CPA6: variants seen among roughly 807,000 people sequenced by gnomAD.
The protein encoded by CPA6 is carboxypeptidase B.
Under a neutral mutation model 63.3 loss-of-function variants are expected in CPA6, and 58 were observed. That is an observed-to-expected ratio of 0.92 (90% CI 0.74 to 1.14). CPA6 has a LOEUF of 1.14. CPA6 is among the 50% of genes most tolerant of loss of function. CPA6 has a pLI of 0.00. For synonymous variants in CPA6, 185 were observed against 179.0 expected (o/e 1.03, Z -0.27); for missense variants, 565 against 526.6 (o/e 1.07, Z -0.71).
intron 8 of CPA6, among the ~76,000 whole-genome samples, chr8:67,478,095 A>G (rs557894463): frequency 1.3e-5 from 2 of 152,246 alleles, no homozygotes; most frequent in East Asian, 3.9e-4. Context: ...CACCTCCCCA[A>G]CCTCTTGGGA....
intron 2 of CPA6, among the ~76,000 whole-genome samples, chr8:67,594,668 G>A (rs1229679262): frequency 2.0e-5 from 3 of 151,912 alleles, no homozygotes; most frequent in South Asian, 4.2e-4. Flanking sequence ...CCAGTTGATC[G>A]CATTGGCTCC....
Position 67,594,194 on chromosome 8 carries a change from G to T in CPA6, c.192+29982C>A, listed in dbSNP as rs574136915. ...CTGGGTTGAAAATTCTTTTCTTTAA[G>T]AATGTTGAAGATTGGCCCCCACTCT... On this transcript the variant is annotated intron_variant, in intron 2 of 10. Coordinates refer to ENST00000297770, the MANE Select transcript of CPA6 (RefSeq NM_020361.5). 4.1e-3 allele frequency among the ~76,000 whole-genome samples: 617 copies of T among 152,278 alleles called. 2 individuals carry two copies. Among genetic ancestry groups the T allele is most frequent in the Non-Finnish European group, 6.1e-3 (417 of 68,036 alleles).
chr8:67,628,145 G>A (rs913381125), intron 1 of CPA6, among the ~76,000 whole-genome samples: 4 of 152,014 alleles, frequency 2.6e-5, no homozygotes, highest in Admixed American at 6.5e-5. Context: ...CCTGGGAGGC[G>A]GAGATTGCAG....
chr8:67,636,402 C>T (rs137883881), intron 1 of CPA6, among the ~76,000 whole-genome samples: 25 of 151,514 alleles, frequency 1.7e-4, no homozygotes, highest in Admixed American at 5.2e-4. Flanking sequence ...TTTTTTCTTG[C>T]TTGTAACCAA....
intron 8 of CPA6, among the ~76,000 whole-genome samples, chr8:67,462,671 T>G (rs1196810585): frequency 1.3e-5 from 2 of 152,208 alleles, no homozygotes; most frequent in Non-Finnish European, 2.9e-5. Flanking sequence ...CTCTTTCTCT[T>G]TTAACACGTA....
intron 2 of CPA6, among the ~76,000 whole-genome samples, chr8:67,605,139 T>A (rs966874107): frequency 6.6e-6 from 1 of 151,742 alleles, no homozygotes; most frequent in African/African-American, 2.4e-5. Flanking sequence ...CTCTCTGAGC[T>A]CCTTGTCTGA....
At chr8:67,530,908 G>A (rs891366557) in intron 2 of CPA6, among the ~76,000 whole-genome samples, 1 of 152,164 alleles carries the variant, frequency 6.6e-6, no homozygotes, top group Non-Finnish European at 1.5e-5. Flanking sequence ...TCAAGCCAGG[G>A]TGCTCATAGT....
At chr8:67,724,994 A>C (rs1460558530) in intron 1 of CPA6, among the ~76,000 whole-genome samples, 2 of 152,216 alleles carry the variant, frequency 1.3e-5, no homozygotes, top group East Asian at 3.8e-4. Context: ...TATAACTTTA[A>C]CCACAGTTGT....
intron 1 of CPA6, among the ~76,000 whole-genome samples, chr8:67,730,166 A>G (rs993860407): frequency 2.1e-4 from 32 of 152,344 alleles, no homozygotes; most frequent in African/African-American, 6.0e-4. Context: ...TCACATGCCA[A>G]TCTCAAGTTC....
chr8:67,441,602 G>C (rs541610859), intron 8 of CPA6, among the ~76,000 whole-genome samples: 34 of 152,042 alleles, frequency 2.2e-4, no homozygotes, highest in Non-Finnish European at 4.3e-4. Flanking sequence ...TATAATCATA[G>C]AAACAATATG....
At chr8:67,488,003 G>T (rs1811520978) in intron 6 of CPA6, among the ~76,000 whole-genome samples, 1 of 152,132 alleles carries the variant, frequency 6.6e-6, no homozygotes, top group Non-Finnish European at 1.5e-5. Flanking sequence ...TTTGTAGGTT[G>T]CCTGTTCACT....
chr8:67,474,230 TA>T (rs1180984186), intron 8 of CPA6, among the ~76,000 whole-genome samples: 6 of 152,194 alleles, frequency 3.9e-5, no homozygotes, highest in African/African-American at 1.4e-4. Flanking sequence ...TTTTATTTTT[TA>T]TTTTTTTTGA....
At chr8:67,703,784 G>T (rs1190614941) in intron 1 of CPA6, among the ~76,000 whole-genome samples, 1 of 152,162 alleles carries the variant, frequency 6.6e-6, no homozygotes, top group Non-Finnish European at 1.5e-5. Context: ...CCCCAGCTCT[G>T]CCAGCTCCTT....
At chr8:67,599,181 G>T (rs1019940765) in intron 2 of CPA6, among the ~76,000 whole-genome samples, 1 of 152,130 alleles carries the variant, frequency 6.6e-6, no homozygotes, top group Admixed American at 6.5e-5. Flanking sequence ...GATAAATGCC[G>T]CAATCATCAA....
Position 67,591,996 on chromosome 8 carries a change from C to A in CPA6, c.192+32180G>T, listed in dbSNP as rs562099141. 7.4e-4 allele frequency among the ~76,000 whole-genome samples: 113 copies of A among 152,242 alleles called. 1 individual carries two copies. Among genetic ancestry groups the A allele is most frequent in the South Asian group, 2.9e-3 (14 of 4,818 alleles). On this transcript the variant is annotated intron_variant, in intron 2 of 10. Coordinates refer to ENST00000297770, the MANE Select transcript of CPA6 (RefSeq NM_020361.5). ...CAAGGGGAATGCTTCCAGTTTTTGC[C>A]CATTCAGTATGATATTGGCTGTGGG...
intron 1 of CPA6, among the ~76,000 whole-genome samples, chr8:67,726,376 A>G (rs938419239): frequency 1.3e-5 from 2 of 152,192 alleles, no homozygotes; most frequent in African/African-American, 4.8e-5. Flanking sequence ...GGCAAGAAAA[A>G]ATAGCCCCTA....
At position 67,734,591 on chromosome 8, in the gene CPA6, C is replaced by T. The variant is rs146364350; in HGVS notation, c.116+11423G>A. On this transcript the variant is annotated intron_variant, in intron 1 of 10. Coordinates refer to ENST00000297770, the MANE Select transcript of CPA6 (RefSeq NM_020361.5). ...GTATCCTTTTTTCTGCCCTGTAAGT[C>T]GAGGGCTTAGAATATTTTTTTTCTG... Among the ~76,000 whole-genome samples the T allele has an allele frequency of 7.2e-3, 1,103 of 152,174 alleles. 10 individuals carry two copies. Among genetic ancestry groups the T allele is most frequent in the African/African-American group, 0.024 (1,003 of 41,516 alleles).
At chr8:67,483,458 C>A in intron 8 of CPA6, 1 of 436,422 alleles carries the variant, frequency 2.3e-6, no homozygotes, top group East Asian at 4.7e-5. Context: ...TATACTACAC[C>A]ACGGTTCATG....
At chr8:67,699,701 C>T (rs1031469659) in intron 1 of CPA6, among the ~76,000 whole-genome samples, 3 of 151,994 alleles carry the variant, frequency 2.0e-5, no homozygotes, top group South Asian at 2.1e-4. Context: ...AATTCTCCTG[C>T]CTCAGCCTCC....
Sources: gnomAD v4.1 joint callset for allele counts (sites outside exome capture counted in the v4.1 genomes callset) on GRCh38, gnomAD v4.1.1 for gene constraint, MANE v1.5 for transcripts, NCBI Gene and HGNC (gene_info 2026-07-23, HGNC 2026-07-21) for gene names.